Variants in MSR1 observed in about 807,000 individuals in gnomAD.
The protein encoded by MSR1 is macrophage scavenger receptor 1, also known as macrophage scavenger receptor types I and II.
MSR1 carries 53 observed loss-of-function variants against 47.2 expected under a neutral mutation model. The ratio of observed to expected loss-of-function variants is 1.12; its 90% confidence interval spans 0.90 to 1.41. The LOEUF is 1.41. MSR1 is among the 40% of genes most tolerant of loss of function. The pLI, the probability that MSR1 is intolerant of heterozygous loss-of-function variation, is 0.00. For synonymous variants in MSR1, 239 were observed against 185.6 expected, an observed-to-expected ratio of 1.29 and a Z score of -2.34; for missense variants, 786 against 546.9, an observed-to-expected ratio of 1.44 and a Z score of -4.36.
At chr8:16,129,430 C>T (rs563879679) in intron 8 of MSR1, among the ~76,000 whole-genome samples, 13 of 152,150 alleles carry the variant, frequency 8.5e-5, no homozygotes, top group South Asian at 2.1e-4. Context: ...CCAACTGTGT[C>T]GTTCTAGGAA....
At chr8:16,137,956 T>C (rs1800432046) in intron 8 of MSR1, among the ~76,000 whole-genome samples, 2 of 151,268 alleles carry the variant, frequency 1.3e-5, no homozygotes, top group South Asian at 4.2e-4. Flanking sequence ...CGTGCCACTG[T>C]AGTCCAACCT....
chr8:16,128,777 C>T (rs1484262400), intron 8 of MSR1, among the ~76,000 whole-genome samples: 2 of 151,942 alleles, frequency 1.3e-5, no homozygotes, highest in African/African-American at 4.8e-5. Flanking sequence ...ATCTCTTTTC[C>T]GAAAATAATC....
At chr8:16,155,201 G>T (rs33959637) in intron 5 of MSR1, 57 bp from the exon 6 acceptor site, 49,331 of 1,299,366 alleles carry the variant, frequency 0.038, 1,266 homozygotes, top group Middle Eastern at 0.08. Flanking sequence ...AAATGGGTTA[G>T]TCATCTGTCA....
intron 8 of MSR1, 143 bp from the exon 9 acceptor site, chr8:16,120,749 T>G (rs1375741319): frequency 4.7e-6 from 5 of 1,060,648 alleles, no homozygotes; most frequent in Non-Finnish European, 5.3e-6. Flanking sequence ...GGAATAAATA[T>G]TAAACTTTCT....
At chr8:16,171,880 C>A (rs1801497785) in intron 3 of MSR1, among the ~76,000 whole-genome samples, 1 of 152,126 alleles carries the variant, frequency 6.6e-6, no homozygotes, top group South Asian at 2.1e-4. Flanking sequence ...CTCTATTTCA[C>A]CACCTGTATA....
At chr8:16,186,547 T>A (rs540513422) in intron 1 of MSR1, among the ~76,000 whole-genome samples, 1 of 152,262 alleles carries the variant, frequency 6.6e-6, no homozygotes. Context: ...GTTGCTTTGT[T>A]TTCAAACGCT....
intron 1 of MSR1, among the ~76,000 whole-genome samples, chr8:16,191,218 G>C (rs1250971250): frequency 6.6e-6 from 1 of 152,140 alleles, no homozygotes; most frequent in African/African-American, 2.4e-5. Context: ...ACAGATTTTA[G>C]TAAGAAATGG....
intron 1 of MSR1, among the ~76,000 whole-genome samples, chr8:16,178,435 C>T (rs893634884): frequency 3.3e-5 from 5 of 152,254 alleles, no homozygotes; most frequent in African/African-American, 1.2e-4. Context: ...GACATAAACT[C>T]ATCCTTTTTT....
chr8:16,111,082 T>C (rs895466742), intron 9 of MSR1, among the ~76,000 whole-genome samples: 16 of 152,094 alleles, frequency 1.1e-4, no homozygotes, highest in African/African-American at 3.9e-4. Flanking sequence ...ATGTTTCCTA[T>C]TGTGTTTGTG....
intron 7 of MSR1, among the ~76,000 whole-genome samples, chr8:16,146,295 TC>T (rs1800697041): frequency 6.6e-6 from 1 of 152,074 alleles, no homozygotes; most frequent in Non-Finnish European, 1.5e-5. Context: ...TGCTTTGCTT[TC>T]CTCTGTCTTC....
intron 7 of MSR1, among the ~76,000 whole-genome samples, chr8:16,147,642 C>G (rs1296433258): frequency 6.6e-6 from 1 of 152,054 alleles, no homozygotes. Flanking sequence ...GGACTTATTT[C>G]TAATTTTAGC....
intron 1 of MSR1, among the ~76,000 whole-genome samples, chr8:16,184,775 GT>G (rs58850830): frequency 9.7e-4 from 147 of 151,918 alleles, no homozygotes; most frequent in African/African-American, 3.4e-3. Flanking sequence ...GCTTGATTTT[GT>G]TTTTTCTTTA....
chr8:16,179,879 CAAAAAA>C (rs58441043), intron 1 of MSR1, among the ~76,000 whole-genome samples: 4,478 of 81,036 alleles, frequency 0.055, 261 homozygotes, highest in African/African-American at 0.17. Flanking sequence ...CCCTGTGTCT[CAAAAAA>C]AAAAAAAAAA....
At chr8:16,119,742 C>G (rs35128617) in intron 9 of MSR1, among the ~76,000 whole-genome samples, 14,747 of 152,024 alleles carry the variant, frequency 0.097, 990 homozygotes, top group Non-Finnish European at 0.14. Flanking sequence ...AGGTCTTGCT[C>G]TGTCACCCAG....
At chr8:16,144,988 C>T (rs1409863115) in intron 7 of MSR1, among the ~76,000 whole-genome samples, 2 of 151,754 alleles carry the variant, frequency 1.3e-5, no homozygotes, top group African/African-American at 4.8e-5. Context: ...ATTTTGGATC[C>T]TAATTTACCA....
intron 8 of MSR1, among the ~76,000 whole-genome samples, chr8:16,135,302 T>C (rs1481557828): frequency 6.6e-6 from 1 of 152,154 alleles, no homozygotes; most frequent in Non-Finnish European, 1.5e-5. Flanking sequence ...AAGGAAATGC[T>C]CATTTGCTAT....
intron 1 of MSR1, among the ~76,000 whole-genome samples, chr8:16,181,748 T>C (rs1310618528): frequency 2.0e-5 from 3 of 151,480 alleles, no homozygotes; most frequent in Non-Finnish European, 4.4e-5. Flanking sequence ...TGTATACCTA[T>C]GTAACAAACC....
At chr8:16,174,074 C>T (rs1801568394) in intron 3 of MSR1, among the ~76,000 whole-genome samples, 1 of 152,160 alleles carries the variant, frequency 6.6e-6, no homozygotes, top group African/African-American at 2.4e-5. Context: ...CAATACTGAG[C>T]TGTCTGAATT....
At chr8:16,179,948 ACT>A (rs1227820432) in intron 1 of MSR1, among the ~76,000 whole-genome samples, 1 of 149,964 alleles carries the variant, frequency 6.7e-6, no homozygotes, top group Non-Finnish European at 1.5e-5. Flanking sequence ...AGTCTCACTG[ACT>A]CTGTTTCCCA....
Sources: gnomAD v4.1 joint callset for allele counts (sites outside exome capture counted in the v4.1 genomes callset) on GRCh38, gnomAD v4.1.1 for gene constraint, MANE v1.5 for transcripts, NCBI Gene and HGNC (gene_info 2026-07-23, HGNC 2026-07-21) for gene names.